The following RIMKLA variants were observed in gnomAD, a reference collection of about 807,000 sequenced individuals.
RIMKLA encodes the protein N-acetylaspartylglutamate synthase A.
Under a neutral mutation model 32.7 loss-of-function variants are expected in RIMKLA, and 14 were observed. That is an observed-to-expected ratio of 0.43 (90% CI 0.28 to 0.67). The LOEUF is 0.67. RIMKLA is among the 30% of genes least tolerant of loss of function. The pLI is 0.18. For missense variants in RIMKLA, 410 were observed against 519.0 expected (o/e 0.79, Z 2.04); for synonymous variants, 176 against 204.1 (o/e 0.86, Z 1.18).
chr1:42,386,207 G>A (rs543595763), intron 1 of RIMKLA, among the ~76,000 whole-genome samples: 1 of 151,976 alleles, frequency 6.6e-6, no homozygotes, highest in South Asian at 2.1e-4. Context: ...ACGGGCGTGA[G>A]CCACCGAGCC....
In RIMKLA at chr1:42,416,100, TA is replaced by T. The variant is rs1643246162; in HGVS notation, c.*1128del. ...TTGCACATTTTGCGGGGGGGGGGGC[TA>T]ATGTAGACATGACACCAAGTGCTTT... On this transcript the variant is annotated 3_prime_UTR_variant, in exon 5 of 5. Transcript: ENST00000431473. 8.2e-6 allele frequency: 1 copy of T among 121,984 alleles called. No individual in the cohort carries two copies. The highest frequency in any genetic ancestry group is 1.8e-5 in the Non-Finnish European group (1 of 56,324). The allele number at this position is 121,984 out of a possible 1,614,324, so 7.6% of individuals were successfully genotyped here. A position where few individuals can be genotyped will look rare whatever the true frequency, so the allele number is the denominator to read the frequency against.
At chr1:42,397,548 C>G (rs993355656) in intron 1 of RIMKLA, among the ~76,000 whole-genome samples, 9 of 152,088 alleles carry the variant, frequency 5.9e-5, no homozygotes, top group African/African-American at 2.2e-4. Flanking sequence ...CATAGCAAGA[C>G]TACATCTCCC....
At chr1:42,396,057 A>G (rs1643042002) in intron 1 of RIMKLA, among the ~76,000 whole-genome samples, 1 of 152,016 alleles carries the variant, frequency 6.6e-6, no homozygotes, top group East Asian at 1.9e-4. Context: ...CAACATGATG[A>G]AACCCTCTCT....
At chr1:42,408,735 T>C (rs989469077) in intron 3 of RIMKLA, among the ~76,000 whole-genome samples, 5 of 152,046 alleles carry the variant, frequency 3.3e-5, no homozygotes, top group African/African-American at 1.2e-4. Context: ...ACTGGTCTTT[T>C]TATTAGGACT....
Position 42,417,301 on chromosome 1 carries a change from A to T in RIMKLA, c.*2327A>T, listed in dbSNP as rs1364386327. The T allele has an allele frequency of 2.0e-5, 3 of 152,262 alleles. No individual in the cohort carries two copies. Among genetic ancestry groups the T allele is most frequent in the Admixed American group, 1.3e-4 (2 of 15,286 alleles). The allele number at this position is 152,262 out of a possible 1,614,324, so 9.4% of individuals were successfully genotyped here. On this transcript the variant is annotated 3_prime_UTR_variant, in exon 5 of 5. Transcript: ENST00000431473. ...ATTGCCTGGCACTAGCCCTGTCTAG[A>T]AGTGGAGAAAGCTGGATCACAGCTG...
chr1:42,395,542 C>CCT (rs112464449), intron 1 of RIMKLA, among the ~76,000 whole-genome samples: 27,497 of 151,798 alleles, frequency 0.18, 2,577 homozygotes, highest in East Asian at 0.22. Flanking sequence ...AGGGCATGAG[C>CCT]CTCTGATTGT....
intron 3 of RIMKLA, among the ~76,000 whole-genome samples, chr1:42,409,047 A>G (rs1643173524): frequency 6.6e-6 from 1 of 151,718 alleles, no homozygotes; most frequent in South Asian, 2.1e-4. Flanking sequence ...ATCTCTACTA[A>G]AAATACAAAA....
intron 4 of RIMKLA, among the ~76,000 whole-genome samples, chr1:42,411,583 C>T (rs1214861363): frequency 6.6e-6 from 1 of 151,886 alleles, no homozygotes; most frequent in African/African-American, 2.4e-5. Context: ...GTCTCAGCCA[C>T]CCGAGTAATT....
At chr1:42,404,725 C>CT (rs1643129251) in intron 3 of RIMKLA, 128 bp downstream of exon 3, 1 of 625,332 alleles carries the variant, frequency 1.6e-6, no homozygotes, top group Non-Finnish European at 2.9e-6. Context: ...TGCAGTGTTT[C>CT]TTTCTCTTTG....
chr1:42,384,517 A>G (rs559343761), intron 1 of RIMKLA, among the ~76,000 whole-genome samples: 1 of 148,664 alleles, frequency 6.7e-6, no homozygotes, highest in Non-Finnish European at 1.5e-5. Context: ...ATATGTATAT[A>G]TGTGTGTATA....
At chr1:42,399,933 G>C (rs1375205113) in intron 2 of RIMKLA, among the ~76,000 whole-genome samples, 1 of 152,200 alleles carries the variant, frequency 6.6e-6, no homozygotes, top group East Asian at 1.9e-4. Context: ...CAGAGGCAGA[G>C]GACAAGTGAA....
intron 1 of RIMKLA, among the ~76,000 whole-genome samples, chr1:42,382,304 A>C (rs1642896444): frequency 6.6e-6 from 1 of 152,258 alleles, no homozygotes; most frequent in South Asian, 2.1e-4. Context: ...TCCTTGATTT[A>C]TTAAAACTGT....
intron 1 of RIMKLA, among the ~76,000 whole-genome samples, chr1:42,386,607 G>T (rs1030973475): frequency 9.5e-4 from 143 of 151,012 alleles, no homozygotes; most frequent in African/African-American, 3.2e-3. Flanking sequence ...GGGGTGCTGT[G>T]GCAGGCGCTT....
At chr1:42,413,573 G>A (rs763429259) in intron 4 of RIMKLA, among the ~76,000 whole-genome samples, 8 of 151,264 alleles carry the variant, frequency 5.3e-5, no homozygotes, top group Non-Finnish European at 8.8e-5. Context: ...AATGAAAAAG[G>A]TATTTATCGT....
At chr1:42,389,763 G>A (rs1350869545) in intron 1 of RIMKLA, among the ~76,000 whole-genome samples, 1 of 152,008 alleles carries the variant, frequency 6.6e-6, no homozygotes, top group Non-Finnish European at 1.5e-5. Context: ...ACAGTGAGCA[G>A]AGATCGTGCC....
rs1193224519 is a variant in RIMKLA at position 42,421,791 on chromosome 1, AC to A, written c.*6819del. The A allele has an allele frequency of 6.6e-6, 1 of 152,190 alleles. No individual in the cohort carries two copies. The highest frequency in any genetic ancestry group is 1.5e-5 in the Non-Finnish European group (1 of 68,032). 9.4% of individuals were successfully genotyped at this position (152,190 alleles called of 1,614,324 possible). ...ACAGTGACCATTAGAGATTATATTA[AC>A]CTGCAATTAAATAAAGTATGTTAAA... On this transcript the variant is annotated 3_prime_UTR_variant, in exon 5 of 5. Transcript: ENST00000431473. This position sits in a 1 kb window ranked among gnomAD's most constrained non-coding sequence, Gnocchi z 4.6.
chr1:42,412,412 C>A, intron 4 of RIMKLA: 2 of 261,666 alleles, frequency 7.6e-6, no homozygotes, highest in Non-Finnish European at 1.5e-5. Context: ...AAAAATAATC[C>A]CAGGATTTTC....
In RIMKLA at chr1:42,417,463, G is replaced by A. The variant is rs1643258616; in HGVS notation, c.*2489G>A. On this transcript the variant is annotated 3_prime_UTR_variant, in exon 5 of 5. Transcript: ENST00000431473. ...AAGGAACATGGGGTGTAGAGCCAGAGCCTGGTTCTGGTTCTCCGCTTGAAC... is the reference window on the plus strand; with the variant it reads ...AAGGAACATGGGGTGTAGAGCCAGAACCTGGTTCTGGTTCTCCGCTTGAAC... 6.6e-6 allele frequency: 1 copy of A among 152,100 alleles called. No homozygotes were observed. Among genetic ancestry groups the A allele is most frequent in the African/African-American group, 2.4e-5 (1 of 41,394 alleles). 9.4% of individuals were successfully genotyped at this position (152,100 alleles called of 1,614,324 possible). A position where few individuals can be genotyped will look rare whatever the true frequency, so the allele number is the denominator to read the frequency against.
rs1643263359 is a variant in RIMKLA at position 42,417,910 on chromosome 1, T to C, written c.*2936T>C. 7.6e-6 allele frequency: 1 copy of C among 132,314 alleles called. No individual in the cohort carries two copies. The highest frequency in any genetic ancestry group is 2.9e-5 in the African/African-American group (1 of 34,238). The allele number at this position is 132,314 out of a possible 1,614,324, so 8.2% of individuals were successfully genotyped here. A position where few individuals can be genotyped will look rare whatever the true frequency, so the allele number is the denominator to read the frequency against. ...AAGATTATGCCACTGCACTCCAGCC[T>C]GGGTGACAGAGCGAGACTCCGTCTC... On this transcript the variant is annotated 3_prime_UTR_variant, in exon 5 of 5. Coordinates refer to ENST00000431473, the MANE Select transcript of RIMKLA (RefSeq NM_173642.4).
Sources: allele counts gnomAD v4.1 joint callset (sites outside exome capture counted in the v4.1 genomes callset), GRCh38; gene constraint gnomAD v4.1.1; non-coding constraint Gnocchi (gnomAD v3.1); transcripts MANE v1.5; gene names NCBI Gene and HGNC (gene_info 2026-07-23, HGNC 2026-07-21).